IFT88: variants seen among roughly 807,000 people sequenced by gnomAD.
The protein encoded by IFT88 is intraflagellar transport 88.
A neutral mutation model predicts 119.5 loss-of-function variants in IFT88; 74 were observed. The observed-to-expected ratio is 0.62, with a 90% CI of 0.51 to 0.75. The LOEUF is 0.75. Ranked by LOEUF, IFT88 falls within the 30% of genes least tolerant of loss-of-function variation. The pLI is 0.00. For missense variants in IFT88, 961 were observed against 977.7 expected (o/e 0.98, Z 0.23); for synonymous variants, 279 against 316.7 (o/e 0.88, Z 1.26).
chr13:20,640,816 A>C (rs2049817404), intron 17 of IFT88, among the ~76,000 whole-genome samples: 1 of 151,918 alleles, frequency 6.6e-6, no homozygotes. Context: ...GGTGTCTGCC[A>C]GTGGAGAATC....
intron 14 of IFT88, among the ~76,000 whole-genome samples, chr13:20,624,390 C>T (rs552280328): frequency 5.3e-5 from 8 of 152,202 alleles, no homozygotes; most frequent in South Asian, 2.1e-4. Context: ...GGAAGCTCCC[C>T]GAACCCTGTC....
At chr13:20,634,485 A>G (rs1050637000) in intron 16 of IFT88, among the ~76,000 whole-genome samples, 1 of 152,024 alleles carries the variant, frequency 6.6e-6, no homozygotes. Flanking sequence ...CAGGTGGATC[A>G]CTTGAGGCCA....
At chr13:20,611,121 A>C (rs1455695923) in intron 13 of IFT88, among the ~76,000 whole-genome samples, 2 of 151,422 alleles carry the variant, frequency 1.3e-5, no homozygotes, top group African/African-American at 4.8e-5. Flanking sequence ...TAATAATAAT[A>C]TATAGGATAT....
At chr13:20,639,296 G>T (rs1343149194) in intron 17 of IFT88, among the ~76,000 whole-genome samples, 2 of 152,162 alleles carry the variant, frequency 1.3e-5, no homozygotes, top group Non-Finnish European at 2.9e-5. Flanking sequence ...TCAGGAGTTT[G>T]TGGCTAAAAA....
chr13:20,691,194 T>C lies in IFT88; in HGVS notation c.*19T>C, dbSNP rs1251923775. The C allele has an allele frequency of 6.2e-7, 1 of 1,600,120 alleles. No homozygotes were observed. The highest frequency in any genetic ancestry group is 1.3e-5 in the African/African-American group (1 of 74,534). On this transcript the variant is annotated 3_prime_UTR_variant, in exon 26 of 26. Coordinates refer to ENST00000351808, the MANE Select transcript of IFT88 (RefSeq NM_006531.5). ...AGAATAATATTCACTTTAATATTTATTAAAGGAAAGAAATTGCCTTATGAG... is the reference window on the plus strand; with the variant it reads ...AGAATAATATTCACTTTAATATTTACTAAAGGAAAGAAATTGCCTTATGAG...
intron 20 of IFT88, among the ~76,000 whole-genome samples, chr13:20,647,898 A>T (rs79883922): frequency 2.1e-3 from 323 of 152,356 alleles, no homozygotes; most frequent in Non-Finnish European, 3.1e-3. Flanking sequence ...AATGAGACAC[A>T]TTATGATCAA....
chr13:20,611,594 T>A (rs1057264517), intron 13 of IFT88, among the ~76,000 whole-genome samples: 1 of 151,442 alleles, frequency 6.6e-6, no homozygotes, highest in Non-Finnish European at 1.5e-5. Context: ...ATCCGACTTT[T>A]ACCAGTTTTT....
intron 3 of IFT88, among the ~76,000 whole-genome samples, chr13:20,586,864 AT>A (rs1309040093): frequency 6.6e-6 from 1 of 152,022 alleles, no homozygotes; most frequent in Non-Finnish European, 1.5e-5. Flanking sequence ...CAATTCAGAC[AT>A]TTGTTTTCCT....
intron 2 of IFT88, among the ~76,000 whole-genome samples, chr13:20,576,965 T>C (rs2037505620): frequency 6.6e-6 from 1 of 152,188 alleles, no homozygotes; most frequent in Admixed American, 6.5e-5. Flanking sequence ...AGTATGGACA[T>C]TTTAACAATA....
intron 13 of IFT88, among the ~76,000 whole-genome samples, chr13:20,609,486 G>C (rs1039314611): frequency 6.6e-6 from 1 of 152,164 alleles, no homozygotes; most frequent in African/African-American, 2.4e-5. Flanking sequence ...GCTGGGTGCG[G>C]TGGTTCAACC....
chr13:20,575,332 C>T (rs946147257), intron 2 of IFT88, among the ~76,000 whole-genome samples: 2 of 152,130 alleles, frequency 1.3e-5, no homozygotes, highest in Non-Finnish European at 2.9e-5. Flanking sequence ...TATATATGTA[C>T]ATTTTCTTTA....
At chr13:20,607,016 T>C (rs976881867) in intron 13 of IFT88, among the ~76,000 whole-genome samples, 1 of 152,120 alleles carries the variant, frequency 6.6e-6, no homozygotes, top group Non-Finnish European at 1.5e-5. Flanking sequence ...AGAATTCTAT[T>C]AAGAATTTAT....
intron 14 of IFT88, among the ~76,000 whole-genome samples, chr13:20,622,644 T>C (rs73431402): frequency 0.031 from 4,746 of 152,318 alleles, 249 homozygotes; most frequent in African/African-American, 0.11. Flanking sequence ...GAAGTGTTTG[T>C]TCAGGTCCTT....
chr13:20,575,226 G>C (rs1423986214), intron 2 of IFT88, among the ~76,000 whole-genome samples: 1 of 151,982 alleles, frequency 6.6e-6, no homozygotes, highest in African/African-American at 2.4e-5. Context: ...GTCTTTCTGT[G>C]CCTGGCTTAT....
chr13:20,659,653 T>G (rs2053467242), intron 22 of IFT88, among the ~76,000 whole-genome samples: 1 of 152,058 alleles, frequency 6.6e-6, no homozygotes. Context: ...ATGGTCTTTT[T>G]TTTTTTTTGA....
chr13:20,607,191 G>A (rs1330470988), intron 13 of IFT88: 4 of 393,522 alleles, frequency 1.0e-5, no homozygotes, highest in South Asian at 2.0e-5. Context: ...CACGCCTGGC[G>A]CTTGCCCCCT....
chr13:20,635,220 G>C (rs2048838993), intron 16 of IFT88, among the ~76,000 whole-genome samples: 1 of 152,034 alleles, frequency 6.6e-6, no homozygotes, highest in South Asian at 2.1e-4. Context: ...TTGTTCCAAA[G>C]GATTATAAAA....
chr13:20,691,278 G>A lies in IFT88; in HGVS notation c.*103G>A. 2 of 1,099,968 alleles carry A rather than the reference G, an allele frequency of 1.8e-6. No individual in the cohort carries two copies. The highest frequency in any genetic ancestry group is 2.9e-5 in the Admixed American group (1 of 34,928). 68.1% of individuals were successfully genotyped at this position (1,099,968 alleles called of 1,614,324 possible). A position where few individuals can be genotyped will look rare whatever the true frequency, so the allele number is the denominator to read the frequency against. On this transcript the variant is annotated 3_prime_UTR_variant, in exon 26 of 26. Coordinates refer to ENST00000351808, the MANE Select transcript of IFT88 (RefSeq NM_006531.5). ...TAACCTGTAATTATTTTTTTTCACT[G>A]TCAAAACTTAAGTAAGTGTATTCTA...
chr13:20,607,806 A>C, intron 13 of IFT88: 2 of 740,530 alleles, frequency 2.7e-6, no homozygotes, highest in Non-Finnish European at 5.1e-6. Flanking sequence ...TGAGCTATTC[A>C]GTTGTCAATG....
Sources: allele counts gnomAD v4.1 joint callset (sites outside exome capture counted in the v4.1 genomes callset), GRCh38; gene constraint gnomAD v4.1.1; transcripts MANE v1.5; gene names NCBI Gene and HGNC (gene_info 2026-07-23, HGNC 2026-07-21).